The following PLEKHM3 variants were observed in gnomAD, a reference collection of about 807,000 sequenced individuals.
The protein encoded by PLEKHM3 is pleckstrin homology domain containing M3.
A neutral mutation model predicts 81.8 loss-of-function variants in PLEKHM3; 45 were observed. That is an observed-to-expected ratio of 0.55 (90% CI 0.43 to 0.71). The LOEUF (loss-of-function observed/expected upper bound fraction) is 0.71, where lower values mean the gene tolerates loss of function less well. Ranked by LOEUF, PLEKHM3 falls within the 30% of genes least tolerant of loss-of-function variation. The pLI is 0.00. For missense variants in PLEKHM3, 788 were observed against 924.3 expected (o/e 0.85, Z 1.91); for synonymous variants, 352 against 356.4 (o/e 0.99, Z 0.14).
intron 6 of PLEKHM3, among the ~76,000 whole-genome samples, chr2:207,883,305 A>C (rs1292650005): frequency 2.0e-5 from 3 of 152,212 alleles, no homozygotes; most frequent in Admixed American, 1.3e-4. Context: ...GAGACTAGGC[A>C]TCAAAACATC....
At chr2:207,926,440 G>A (rs1397877314) in intron 5 of PLEKHM3, among the ~76,000 whole-genome samples, 1 of 152,162 alleles carries the variant, frequency 6.6e-6, no homozygotes, top group African/African-American at 2.4e-5. Context: ...CCTGTGTTCA[G>A]CAAGAGCTGA....
intron 7 of PLEKHM3, among the ~76,000 whole-genome samples, chr2:207,859,845 C>A (rs2092457634): frequency 6.6e-6 from 1 of 152,170 alleles, no homozygotes; most frequent in East Asian, 1.9e-4. Flanking sequence ...GATCCACCTG[C>A]CTCGGCCTCC....
At chr2:207,928,991 C>T (rs911795440) in intron 5 of PLEKHM3, among the ~76,000 whole-genome samples, 2 of 152,146 alleles carry the variant, frequency 1.3e-5, no homozygotes, top group African/African-American at 2.4e-5. Flanking sequence ...TGATTCCCTC[C>T]CCAAAACTGA....
At chr2:207,865,902 A>T (rs2092498005) in intron 6 of PLEKHM3, among the ~76,000 whole-genome samples, 1 of 141,604 alleles carries the variant, frequency 7.1e-6, no homozygotes, top group African/African-American at 2.6e-5. Context: ...TATAATATGT[A>T]GTCTTTTATG....
chr2:208,008,831 G>T (rs1692594112), intron 1 of PLEKHM3, among the ~76,000 whole-genome samples: 2 of 152,100 alleles, frequency 1.3e-5, no homozygotes, highest in Non-Finnish European at 2.9e-5. Context: ...TCTCTTCTCT[G>T]GCTAGAGCTA....
chr2:207,868,459 G>A (rs1010477111), intron 6 of PLEKHM3: 5 of 152,094 alleles, frequency 3.3e-5, no homozygotes, highest in Non-Finnish European at 5.9e-5. Flanking sequence ...AGTGGAAAAA[G>A]CAAGGCTGAT....
At chr2:207,979,332 C>G (rs917641878) in intron 2 of PLEKHM3, among the ~76,000 whole-genome samples, 6 of 151,914 alleles carry the variant, frequency 3.9e-5, no homozygotes, top group African/African-American at 1.5e-4. Context: ...GTCAGGAGTT[C>G]GAGACCAGCC....
intron 5 of PLEKHM3, among the ~76,000 whole-genome samples, chr2:207,923,876 C>T (rs867784515): frequency 2.9e-4 from 12 of 41,754 alleles, no homozygotes; most frequent in Non-Finnish European, 3.6e-4. Context: ...CACACACACA[C>T]ACACATATAT....
intron 4 of PLEKHM3, among the ~76,000 whole-genome samples, chr2:207,935,099 G>C (rs1377806563): frequency 6.6e-6 from 1 of 152,154 alleles, no homozygotes; most frequent in African/African-American, 2.4e-5. Flanking sequence ...GAATAACAAA[G>C]ACTAGTAAAG....
At chr2:207,933,427 T>A (rs1335925006) in intron 4 of PLEKHM3, among the ~76,000 whole-genome samples, 1 of 152,234 alleles carries the variant, frequency 6.6e-6, no homozygotes, top group Non-Finnish European at 1.5e-5. Flanking sequence ...AAAAGACTGA[T>A]GGTGTTTTGG....
At chr2:207,957,917 G>A (rs1363433483) in intron 3 of PLEKHM3, among the ~76,000 whole-genome samples, 1 of 152,126 alleles carries the variant, frequency 6.6e-6, no homozygotes, top group Admixed American at 6.5e-5. Context: ...TTGGTAGGAT[G>A]GGTGGGTAAG....
chr2:207,916,985 T>C (rs1251907969), intron 5 of PLEKHM3, among the ~76,000 whole-genome samples: 1 of 152,178 alleles, frequency 6.6e-6, no homozygotes, highest in African/African-American at 2.4e-5. Flanking sequence ...AGTGCTGATA[T>C]TGGTATATAC....
intron 7 of PLEKHM3, among the ~76,000 whole-genome samples, chr2:207,851,085 G>C (rs1455038323): frequency 6.7e-6 from 1 of 149,920 alleles, no homozygotes; most frequent in African/African-American, 2.5e-5. Context: ...CCTGGGAAGC[G>C]GAGGTTGCAG....
At chr2:207,831,016 G>A (rs867864626) in intron 7 of PLEKHM3, among the ~76,000 whole-genome samples, 14 of 152,198 alleles carry the variant, frequency 9.2e-5, no homozygotes, top group African/African-American at 2.9e-4. Context: ...GCTAAATGGA[G>A]ACTACATAGC....
intron 6 of PLEKHM3, among the ~76,000 whole-genome samples, chr2:207,905,655 T>G (rs1419605444): frequency 6.6e-6 from 1 of 152,208 alleles, no homozygotes; most frequent in Non-Finnish European, 1.5e-5. Flanking sequence ...GCAGAAAAAG[T>G]AATCGAATTA....
At chr2:207,973,010 G>A (rs1281888233) in intron 3 of PLEKHM3, among the ~76,000 whole-genome samples, 3 of 152,114 alleles carry the variant, frequency 2.0e-5, no homozygotes, top group Non-Finnish European at 4.4e-5. Flanking sequence ...CTATTTAAAG[G>A]GGGAAGAACT....
At chr2:208,019,816 G>A (rs1693063155) in intron 1 of PLEKHM3, 1 of 152,222 alleles carries the variant, frequency 6.6e-6, no homozygotes, top group Non-Finnish European at 1.5e-5. Flanking sequence ...GGCATGGACT[G>A]TGCCTGTCTT....
chr2:207,897,181 G>A (rs1029755630), intron 6 of PLEKHM3, among the ~76,000 whole-genome samples: 6 of 152,132 alleles, frequency 3.9e-5, no homozygotes, highest in Admixed American at 3.3e-4. Flanking sequence ...TGCTCCATAT[G>A]GTGACTATAT....
At chr2:207,908,091 C>T (rs1688677132) in intron 6 of PLEKHM3, among the ~76,000 whole-genome samples, 1 of 152,172 alleles carries the variant, frequency 6.6e-6, no homozygotes, top group Non-Finnish European at 1.5e-5. Context: ...CATTCATTAG[C>T]TGATGAACAT....
Sources: gnomAD v4.1 joint callset for allele counts (sites outside exome capture counted in the v4.1 genomes callset) on GRCh38, gnomAD v4.1.1 for gene constraint, MANE v1.5 for transcripts, NCBI Gene and HGNC (gene_info 2026-07-23, HGNC 2026-07-21) for gene names.